SOX5: variants seen among roughly 807,000 people sequenced by gnomAD.
SOX5 encodes transcription factor SOX-5.
Under a neutral mutation model 92.0 loss-of-function variants are expected in SOX5, and 9 were observed. The ratio of observed to expected loss-of-function variants is 0.10; its 90% confidence interval spans 0.06 to 0.17. The LOEUF is 0.17. Ranked by LOEUF, SOX5 falls within the 10% of genes least tolerant of loss-of-function variation. The pLI is 1.00. For synonymous variants in SOX5, 344 were observed against 336.3 expected, an observed-to-expected ratio of 1.02 and a Z score of -0.25; for missense variants, 642 against 944.5, an observed-to-expected ratio of 0.68 and a Z score of 4.20.
chr12:24,068,727 TATATATATATATATATATATACACAC>T (rs1941266084), intron 4 of SOX5, among the ~76,000 whole-genome samples: 1 of 113,700 alleles, frequency 8.8e-6, no homozygotes, highest in South Asian at 3.3e-4. Flanking sequence ...TATATATATA[TATATATATATATATATATATACACAC>T]ACACACATTA....
intron 12 of SOX5, among the ~76,000 whole-genome samples, chr12:23,545,473 T>C (rs1942948763): frequency 6.6e-6 from 1 of 152,156 alleles, no homozygotes; most frequent in Admixed American, 6.5e-5. Flanking sequence ...ATGTTTAGAA[T>C]GTTCAGAGAT....
chr12:24,236,910 A>T (rs1486252099), intron 3 of SOX5, among the ~76,000 whole-genome samples: 1 of 87,690 alleles, frequency 1.1e-5, no homozygotes, highest in Non-Finnish European at 2.9e-5. Context: ...TCCACAACTC[A>T]AAAAAAAAAA....
intron 5 of SOX5, among the ~76,000 whole-genome samples, chr12:23,737,569 T>A (rs2140952005): frequency 6.6e-6 from 1 of 152,224 alleles, no homozygotes; most frequent in South Asian, 2.1e-4. Flanking sequence ...TGTATAGTCA[T>A]GCTAGTCATC....
chr12:23,754,249 C>G (rs1388290997), intron 4 of SOX5, among the ~76,000 whole-genome samples: 1 of 151,770 alleles, frequency 6.6e-6, no homozygotes. Context: ...GGAATGAGAT[C>G]AGAAGGCTTG....
At chr12:24,355,515 G>A (rs973993921) in intron 2 of SOX5, among the ~76,000 whole-genome samples, 8 of 151,750 alleles carry the variant, frequency 5.3e-5, no homozygotes, top group Non-Finnish European at 1.0e-4. Flanking sequence ...GCACCCATGG[G>A]CATTTTAAAA....
intron 2 of SOX5, among the ~76,000 whole-genome samples, chr12:24,309,686 T>C (rs1403727176): frequency 4.6e-5 from 7 of 152,182 alleles, no homozygotes; most frequent in African/African-American, 1.7e-4. Context: ...CTTTGCTTTC[T>C]TGTGGTACAT....
intron 1 of SOX5, among the ~76,000 whole-genome samples, chr12:24,507,019 T>C (rs1011709760): frequency 5.3e-5 from 8 of 151,860 alleles, no homozygotes; most frequent in African/African-American, 1.9e-4. Flanking sequence ...CTCGATTTCC[T>C]GACCTCGTGA....
At chr12:24,507,999 A>T (rs969974937) in intron 1 of SOX5, among the ~76,000 whole-genome samples, 10 of 152,162 alleles carry the variant, frequency 6.6e-5, no homozygotes, top group African/African-American at 2.4e-4. Flanking sequence ...ACACTGACCC[A>T]AGGCAAAGTA....
At chr12:23,749,126 C>T (rs1277775815) in intron 4 of SOX5, among the ~76,000 whole-genome samples, 1 of 151,880 alleles carries the variant, frequency 6.6e-6, no homozygotes, top group Non-Finnish European at 1.5e-5. Context: ...ACTATTACAG[C>T]TCATAAAAGG....
At chr12:23,822,247 C>G (rs918810015) in intron 3 of SOX5, among the ~76,000 whole-genome samples, 1 of 152,176 alleles carries the variant, frequency 6.6e-6, no homozygotes, top group Non-Finnish European at 1.5e-5. Flanking sequence ...CCCACTTTCT[C>G]CTGTGGGCAT....
At chr12:24,010,896 GC>G (rs1361823919) in intron 4 of SOX5, among the ~76,000 whole-genome samples, 1 of 151,634 alleles carries the variant, frequency 6.6e-6, no homozygotes, top group East Asian at 1.9e-4. Context: ...CCGAGATCAT[GC>G]CACTGCTCTC....
intron 4 of SOX5, among the ~76,000 whole-genome samples, chr12:23,972,872 A>G (rs1404723048): frequency 6.6e-6 from 1 of 152,112 alleles, no homozygotes; most frequent in East Asian, 1.9e-4. Flanking sequence ...ACACATTATT[A>G]CTGTGACCAC....
chr12:24,449,983 C>A (rs1255579403), intron 1 of SOX5, among the ~76,000 whole-genome samples: 2 of 152,168 alleles, frequency 1.3e-5, no homozygotes, highest in Non-Finnish European at 2.9e-5. Flanking sequence ...AGACCAAATC[C>A]TAAGACTACC....
At chr12:24,257,300 A>C (rs1382086622) in intron 3 of SOX5, among the ~76,000 whole-genome samples, 1 of 152,218 alleles carries the variant, frequency 6.6e-6, no homozygotes, top group African/African-American at 2.4e-5. Context: ...AATTTTTCAG[A>C]AATAATATCT....
intron 1 of SOX5, among the ~76,000 whole-genome samples, chr12:24,458,935 C>T (rs1037809135): frequency 6.6e-6 from 1 of 152,082 alleles, no homozygotes; most frequent in Non-Finnish European, 1.5e-5. Flanking sequence ...AAGAAATTGT[C>T]AGTACTCTCC....
intron 1 of SOX5, among the ~76,000 whole-genome samples, chr12:24,423,063 T>C (rs530644872): frequency 3.3e-5 from 5 of 152,268 alleles, no homozygotes; most frequent in South Asian, 2.1e-4. Context: ...TTGTGAATTG[T>C]TTGAAAATGT....
chr12:24,313,719 T>C (rs1189218214), intron 2 of SOX5, among the ~76,000 whole-genome samples: 1 of 152,218 alleles, frequency 6.6e-6, no homozygotes, highest in East Asian at 1.9e-4. Flanking sequence ...CTCGTATTCA[T>C]ATTCATACGC....
chr12:23,961,675 C>T (rs1043699142), intron 4 of SOX5, among the ~76,000 whole-genome samples: 3 of 152,190 alleles, frequency 2.0e-5, no homozygotes, highest in Admixed American at 6.5e-5. Context: ...CCACCACTCA[C>T]CTATAAGCTA....
At chr12:23,832,341 G>A (rs1242236785) in intron 3 of SOX5, among the ~76,000 whole-genome samples, 2 of 151,946 alleles carry the variant, frequency 1.3e-5, no homozygotes, top group East Asian at 1.9e-4. Context: ...CCTGTCCTAG[G>A]ATTTTTATGA....
Sources: allele counts gnomAD v4.1 joint callset (sites outside exome capture counted in the v4.1 genomes callset), GRCh38; gene constraint gnomAD v4.1.1; transcripts MANE v1.5; gene names NCBI Gene and HGNC (gene_info 2026-07-23, HGNC 2026-07-21).